DBP: variants seen among roughly 807,000 people sequenced by gnomAD.
DBP encodes the protein D-box binding PAR bZIP transcription factor, also known as D site-binding protein.
DBP carries 12 observed loss-of-function variants against 21.4 expected under a neutral mutation model. The ratio of observed to expected loss-of-function variants is 0.56; its 90% confidence interval spans 0.36 to 0.91. DBP has a LOEUF of 0.91. Among genes scored for constraint, DBP ranks in the 40% least tolerant of loss-of-function variants. DBP has a pLI of 0.01. For synonymous variants in DBP, 213 were observed against 224.9 expected (o/e 0.95, Z 0.47); for missense variants, 423 against 473.4 (o/e 0.89, Z 0.99).
intron 3 of DBP, chr19:48,633,180 C>A (rs573023947): frequency 6.7e-6 from 4 of 601,288 alleles, no homozygotes; most frequent in Admixed American, 5.9e-5. Context: ...CTCCCGAGCT[C>A]AAGAGATCCT....
intron 2 of DBP, chr19:48,634,830 C>T (rs1195874503): frequency 7.1e-6 from 7 of 985,506 alleles, no homozygotes; most frequent in Non-Finnish European, 8.4e-6. Context: ...CAAAGGGAAA[C>T]ATCTTTCCTC....
chr19:48,635,788 C>T lies in DBP; in HGVS notation c.342G>A (p.Val114=). The T allele has an allele frequency of 7.0e-7, 1 of 1,436,438 alleles. No homozygotes were observed. The highest frequency in any genetic ancestry group is 9.1e-7 in the Non-Finnish European group (1 of 1,103,344). The allele number at this position is 1,436,438 out of a possible 1,614,324, so 89.0% of individuals were successfully genotyped here. ...LWERTLPFGD[V]EYVDLDAFLL... is the part of the protein sequence containing the mutation. ...GGAAGGCGTCCAGGTCTACGTACTC[C>T]ACATCGCCGAACGGCAGCGTGCGCT... The change falls in exon 2 of 4, where the codon GTG becomes GTA. Residue 114 remains valine, a synonymous_variant. Transcript: ENST00000222122.
intron 2 of DBP, 195 bp downstream of exon 2, chr19:48,635,385 C>A (rs1265119369): frequency 1.5e-6 from 2 of 1,369,086 alleles, no homozygotes; most frequent in Admixed American, 2.9e-5. Context: ...GTCTCTCCTC[C>A]CCCATGGATC....
intron 2 of DBP, chr19:48,635,171 TA>T: frequency 9.7e-7 from 1 of 1,031,144 alleles, no homozygotes; most frequent in Non-Finnish European, 1.2e-6. Flanking sequence ...TTTGCCCCTG[TA>T]AAGGACCTAG....
intron 3 of DBP, chr19:48,633,018 A>C (rs888234414): frequency 1.3e-4 from 38 of 300,508 alleles, no homozygotes; most frequent in African/African-American, 1.7e-4. Flanking sequence ...TTTTAAGACA[A>C]GGTCTCCCTC....
At chr19:48,636,096 G>A in intron 1 of DBP, 106 bp from the exon 2 acceptor site, 1 of 1,111,102 alleles carries the variant, frequency 9.0e-7, no homozygotes, top group Non-Finnish European at 1.2e-6. Context: ...CAGAGAAAGA[G>A]GGGACGGGGG....
Position 48,631,033 on chromosome 19 carries a change from C to T in DBP, c.782G>A (p.Arg261Gln), listed in dbSNP as rs1382734075. 3 of 1,613,304 alleles carry T rather than the reference C, an allele frequency of 1.9e-6. No homozygotes were observed. The highest frequency in any genetic ancestry group is 1.7e-5 in the Admixed American group (1 of 59,952). ...GGCTGCCTCGTTGTTCTTGTACCGCCGGCTCCAGTATTTCTCATCCTGCAG... is the reference window on the plus strand; with the variant it reads ...GGCTGCCTCGTTGTTCTTGTACCGCTGGCTCCAGTATTTCTCATCCTGCAG... ...EEQKDEKYWS[R>Q]RYKNNEAAKR... The change falls in exon 4 of 4, where the codon CGG becomes CAG. Residue 261 changes from arginine (R) to glutamine (Q), a missense_variant. Around this residue, in one of 4 missense-constraint regions of DBP, gnomAD observed 30 missense variants for 70.9 expected, o/e 0.42. Transcript: ENST00000222122.
Position 48,630,432 on chromosome 19 carries a change from A to T in DBP, c.*405T>A. 1 of 1,424,194 alleles carries T rather than the reference A, an allele frequency of 7.0e-7. No homozygotes were observed. Among genetic ancestry groups the T allele is most frequent in the South Asian group, 1.5e-5 (1 of 66,580 alleles). 88.2% of individuals were successfully genotyped at this position (1,424,194 alleles called of 1,614,324 possible). On this transcript the variant is annotated 3_prime_UTR_variant, in exon 4 of 4. Coordinates refer to ENST00000222122, the MANE Select transcript of DBP (RefSeq NM_001352.5). The surrounding 1 kb of genome is among the most constrained non-coding windows in gnomAD (Gnocchi z 4.9). ...ACCTTCTGCCCTTCCTCCATCCGAC[A>T]GCCCGCGGGAGGACTCAGACTCCAG...
intron 2 of DBP, chr19:48,634,553 G>T: frequency 2.8e-6 from 1 of 357,458 alleles, no homozygotes; most frequent in Non-Finnish European, 3.9e-6. Flanking sequence ...ACAGGTTCAG[G>T]GCCGAGTCAC....
At chr19:48,632,735 C>A (rs2030644728) in intron 3 of DBP, 1 of 152,624 alleles carries the variant, frequency 6.6e-6, no homozygotes, top group Admixed American at 6.5e-5. Flanking sequence ...AGTGAGAAGT[C>A]CAGGCCCAGG....
At position 48,630,119 on chromosome 19, in the gene DBP, A is replaced by T; in HGVS notation, c.*718T>A. The T allele has an allele frequency of 1.6e-6, 2 of 1,252,396 alleles. No homozygotes were observed. The highest frequency in any genetic ancestry group is 2.0e-6 in the Non-Finnish European group (2 of 996,174). 77.6% of individuals were successfully genotyped at this position (1,252,396 alleles called of 1,614,324 possible). On this transcript the variant is annotated 3_prime_UTR_variant, in exon 4 of 4. Coordinates refer to ENST00000222122, the MANE Select transcript of DBP (RefSeq NM_001352.5). This position sits in a 1 kb window ranked among gnomAD's most constrained non-coding sequence, Gnocchi z 4.9. ...CGGAGTCTATTTTACGCGTCGCCCAATGACAGGACCTGGAATGTACTGGCT... is the reference window on the plus strand; with the variant it reads ...CGGAGTCTATTTTACGCGTCGCCCATTGACAGGACCTGGAATGTACTGGCT...
In DBP at chr19:48,635,862, GC is replaced by G. The variant is rs1256923864; in HGVS notation, c.267del (p.Arg90AlafsTer28). On this transcript the variant is annotated frameshift_variant, in exon 2 of 4. Transcript: ENST00000222122. LOFTEE classifies it high-confidence loss of function. The stretch of plus-strand genomic sequence containing the variant: ...CCCGGGGCGGGCACCGGCCCCGGGC[GC>G]CCCCGCGGGGACCCTCCGCCCACCA... ...GAVVGGGSPRGRPGPVPAPGL... is the reference protein window; with the variant it reads ...GAVVGGGSPRXRPGPVPAPGL... 7.2e-7 allele frequency: 1 copy of G among 1,396,914 alleles called. No individual in the cohort carries two copies. The highest frequency in any genetic ancestry group is 9.2e-7 in the Non-Finnish European group (1 of 1,087,518). The allele number at this position is 1,396,914 out of a possible 1,614,324, so 86.5% of individuals were successfully genotyped here. A position where few individuals can be genotyped will look rare whatever the true frequency, so the allele number is the denominator to read the frequency against.
chr19:48,632,416 C>T (rs2030632771), intron 3 of DBP: 2 of 152,008 alleles, frequency 1.3e-5, no homozygotes, highest in South Asian at 2.1e-4. Context: ...AGGTGTGAGA[C>T]ACCACACCCG....
intron 2 of DBP, chr19:48,635,050 TGAA>T (rs1410251129): frequency 4.8e-5 from 47 of 986,618 alleles, no homozygotes; most frequent in Non-Finnish European, 5.5e-5. Flanking sequence ...TTTTCCCTTC[TGAA>T]GAACTCTGGG....
At chr19:48,635,443 C>G in intron 2 of DBP, 137 bp downstream of exon 2, 1 of 1,477,058 alleles carries the variant, frequency 6.8e-7, no homozygotes, top group Non-Finnish European at 9.0e-7. Context: ...CCCCCTCCCA[C>G]GACACCTCTC....
At chr19:48,635,386 C>A in intron 2 of DBP, 194 bp downstream of exon 2, 1 of 1,376,768 alleles carries the variant, frequency 7.3e-7, no homozygotes, top group Non-Finnish European at 9.3e-7. Flanking sequence ...TCTCTCCTCC[C>A]CCATGGATCC....
At position 48,637,292 on chromosome 19, in the gene DBP, C is replaced by T. The variant is rs969446984; in HGVS notation, c.-298G>A. ...AGGGTGAGAGGGGACTCAAGGCGCT[C>T]CTTCTACAAGGTGGGCGAGCCTGGC... On this transcript the variant is annotated 5_prime_UTR_variant, in exon 1 of 4. Coordinates refer to ENST00000222122, the MANE Select transcript of DBP (RefSeq NM_001352.5). The T allele has an allele frequency of 1.4e-5, 5 of 355,160 alleles. No individual in the cohort carries two copies. Among genetic ancestry groups the T allele is most frequent in the African/African-American group, 4.2e-5 (2 of 47,564 alleles). 22.0% of individuals were successfully genotyped at this position (355,160 alleles called of 1,614,324 possible). A position where few individuals can be genotyped will look rare whatever the true frequency, so the allele number is the denominator to read the frequency against.
chr19:48,631,427 T>C (rs976463374), intron 3 of DBP: 2 of 186,096 alleles, frequency 1.1e-5, no homozygotes, highest in Admixed American at 5.5e-5. Flanking sequence ...GCCCTGCACA[T>C]TGCCTTTCCA....
Position 48,630,758 on chromosome 19 carries a change from C to A in DBP, c.*79G>T. The stretch of plus-strand genomic sequence containing the variant: ...GGCACCCAGCTGGCCGGCCCGTGGG[C>A]CACAGGGCAGGAAGGGAACAGGGCG... On this transcript the variant is annotated 3_prime_UTR_variant, in exon 4 of 4. Transcript: ENST00000222122. This position sits in a 1 kb window ranked among gnomAD's most constrained non-coding sequence, Gnocchi z 4.9. 6.8e-7 allele frequency: 1 copy of A among 1,477,760 alleles called. No homozygotes were observed. Among genetic ancestry groups the A allele is most frequent in the Non-Finnish European group, 9.1e-7 (1 of 1,101,228 alleles). 91.5% of individuals were successfully genotyped at this position (1,477,760 alleles called of 1,614,324 possible).
Sources: allele counts gnomAD v4.1 joint callset, GRCh38; gene constraint gnomAD v4.1.1; regional missense constraint gnomAD v4.1.1; non-coding constraint Gnocchi (gnomAD v3.1); transcripts MANE v1.5; gene names NCBI Gene and HGNC (gene_info 2026-07-23, HGNC 2026-07-21).